OR56A3: variants seen among roughly 807,000 people sequenced by gnomAD.
The protein encoded by OR56A3 is olfactory receptor 56A3.
In OR56A3, 23 loss-of-function variants were observed where a neutral mutation model predicts 17.5. The ratio of observed to expected loss-of-function variants is 1.32; its 90% CI spans 0.95 to 1.87. The LOEUF is 1.87. OR56A3 is among the 40% of genes most tolerant of loss of function. The pLI, the probability that OR56A3 is intolerant of heterozygous loss-of-function variation, is 0.00. For missense variants in OR56A3, 366 were observed against 380.1 expected (o/e 0.96, Z 0.31); for synonymous variants, 175 against 150.6 (o/e 1.16, Z -1.19).
chr11:6,004,343 A>G, the OR56A3 span, among the ~76,000 whole-genome samples: 1 of 151,450 alleles, frequency 6.6e-6, no homozygotes, highest in Non-Finnish European at 1.5e-5. Flanking sequence ...ACAAAATGAG[A>G]CTCCATCTCA....
chr11:6,005,271 TGAG>T, the OR56A3 span, among the ~76,000 whole-genome samples: 2 of 151,948 alleles, frequency 1.3e-5, no homozygotes, highest in Non-Finnish European at 2.9e-5. Flanking sequence ...ACAAAAAAAA[TGAG>T]GTAACATTTC....
At chr11:5,977,940 C>T in the OR56A3 span, among the ~76,000 whole-genome samples, 1 of 152,206 alleles carries the variant, frequency 6.6e-6, no homozygotes, top group South Asian at 2.1e-4. Flanking sequence ...CCAGATATCC[C>T]AGCACCATTT....
chr11:5,983,453 C>T, the OR56A3 span, among the ~76,000 whole-genome samples: 2 of 151,390 alleles, frequency 1.3e-5, no homozygotes, highest in African/African-American at 4.8e-5. Context: ...AGACTATGAC[C>T]CTGCACACAT....
At chr11:5,986,937 T>G in the OR56A3 span, 1 of 1,610,490 alleles carries the variant, frequency 6.2e-7, no homozygotes, top group Non-Finnish European at 8.5e-7. Flanking sequence ...TCATGATTTC[T>G]GCATTCCTGC....
the OR56A3 span, among the ~76,000 whole-genome samples, chr11:6,005,498 G>A: frequency 1.3e-5 from 2 of 152,184 alleles, no homozygotes; most frequent in African/African-American, 2.4e-5. Flanking sequence ...TCTGATGGTA[G>A]GCATTGTCAC....
chr11:6,014,507 A>G, the OR56A3 span, among the ~76,000 whole-genome samples: 1 of 152,168 alleles, frequency 6.6e-6, no homozygotes, highest in Non-Finnish European at 1.5e-5. Flanking sequence ...TCCATAAGTA[A>G]AAGCTCCCTG....
At chr11:6,014,546 G>A in the OR56A3 span, among the ~76,000 whole-genome samples, 10 of 152,284 alleles carry the variant, frequency 6.6e-5, no homozygotes, top group African/African-American at 2.2e-4. Flanking sequence ...ATGCTGTTAT[G>A]CTTCCTGTAC....
chr11:5,979,848 T>C, the OR56A3 span, among the ~76,000 whole-genome samples: 1 of 152,182 alleles, frequency 6.6e-6, no homozygotes, highest in East Asian at 1.9e-4. Context: ...CCTCTTGACA[T>C]TGCTTTAGCT....
the OR56A3 span, among the ~76,000 whole-genome samples, chr11:5,962,918 G>T: frequency 3.3e-5 from 5 of 152,012 alleles, no homozygotes; most frequent in African/African-American, 1.2e-4. Context: ...TTCTTCATAG[G>T]TTCCTGTAGG....
At chr11:5,954,961 T>G (rs1847925195), downstream of OR56A3, among the ~76,000 whole-genome samples, 1 of 152,140 alleles carries the variant, frequency 6.6e-6, no homozygotes, top group Non-Finnish European at 1.5e-5. Context: ...ACTCCAAAGA[T>G]ACAAAGGGGT....
chr11:6,016,842 GA>G, the OR56A3 span, among the ~76,000 whole-genome samples: 1 of 146,548 alleles, frequency 6.8e-6, no homozygotes, highest in Admixed American at 6.8e-5. Flanking sequence ...AAAAGAAACA[GA>G]AAACTTGGAA....
chr11:6,011,917 G>A, the OR56A3 span, among the ~76,000 whole-genome samples: 1 of 152,178 alleles, frequency 6.6e-6, no homozygotes, highest in Non-Finnish European at 1.5e-5. Context: ...TAGGCACACT[G>A]CAAGCAGCTT....
At chr11:5,986,190 T>C in the OR56A3 span, 2 of 1,613,830 alleles carry the variant, frequency 1.2e-6, no homozygotes, top group South Asian at 1.1e-5. Context: ...CCTCACTCCC[T>C]GGTACCTTCA....
In OR56A3 at chr11:5,950,680, ATCATT is replaced by A. The variant is rs1847902544; in HGVS notation, c.*2390_*2394del. On this transcript the variant is annotated 3_prime_UTR_variant, in exon 3 of 3. Coordinates refer to ENST00000641160, the MANE Select transcript of OR56A3 (RefSeq NM_001003443.3). ...TTTAGTCCAACATATCCAAAATATT[ATCATT>A]TCAACACATAACAAATACAAGATAA... 1 of 152,158 alleles carries A rather than the reference ATCATT, an allele frequency of 6.6e-6. No individual in the cohort carries two copies. The highest frequency in any genetic ancestry group is 1.5e-5 in the Non-Finnish European group (1 of 67,978). 9.4% of individuals were successfully genotyped at this position (152,158 alleles called of 1,614,324 possible).
At chr11:5,961,125 G>A in the OR56A3 span, among the ~76,000 whole-genome samples, 10 of 150,890 alleles carry the variant, frequency 6.6e-5, no homozygotes, top group Admixed American at 2.6e-4. Flanking sequence ...CGCCCCGTCC[G>A]GGAGGTGGGG....
chr11:5,944,312 A>C (rs1847855837), intron 1 of OR56A3, among the ~76,000 whole-genome samples: 1 of 152,370 alleles, frequency 6.6e-6, no homozygotes, highest in African/African-American at 2.4e-5. Context: ...CCAGGAATAC[A>C]ATAAAAGACA....
chr11:5,948,050 A>C lies in OR56A3; in HGVS notation c.704A>C (p.Glu235Ala). 6.2e-7 allele frequency: 1 copy of C among 1,614,232 alleles called. No individual in the cohort carries two copies. The highest frequency in any genetic ancestry group is 8.5e-7 in the Non-Finnish European group (1 of 1,180,048). The change falls in exon 3 of 3, where the codon GAG (glutamate) becomes GCG (alanine). Residue 235 changes from glutamate to alanine, a missense_variant. Transcript: ENST00000641160. ...ILRAVLRLKAEGAVAKALSTC... is the reference protein window; with the variant it reads ...ILRAVLRLKAAGAVAKALSTC... ...CGAGCTGTGCTGAGACTCAAGGCAG[A>C]GGGTGCCGTGGCAAAGGCCCTAAGC...
At chr11:5,989,236 C>G in the OR56A3 span, among the ~76,000 whole-genome samples, 1 of 152,080 alleles carries the variant, frequency 6.6e-6, no homozygotes, top group South Asian at 2.1e-4. Flanking sequence ...TCTTTTTTGC[C>G]TACCTCCTTC....
the OR56A3 span, chr11:5,967,465 G>A: frequency 7.3e-6 from 7 of 964,236 alleles, no homozygotes; most frequent in African/African-American, 3.3e-5. Context: ...TATTCTCGCA[G>A]TAACAATTTA....
Sources: allele counts gnomAD v4.1 joint callset (sites outside exome capture counted in the v4.1 genomes callset), GRCh38; gene constraint gnomAD v4.1.1; transcripts MANE v1.5; gene names NCBI Gene and HGNC (gene_info 2026-07-23, HGNC 2026-07-21).